The following CADPS2 variants were observed in gnomAD, a reference collection of about 807,000 sequenced individuals.
CADPS2 encodes calcium dependent secretion activator 2, also known as calcium-dependent secretion activator 2.
Under a neutral mutation model 172.5 loss-of-function variants are expected in CADPS2, and 93 were observed. That is an observed-to-expected ratio of 0.54 (90% CI 0.46 to 0.64). The LOEUF is 0.64. CADPS2 is among the 30% of genes least tolerant of loss of function. The probability of loss-of-function intolerance (pLI) is 0.00; values close to 1 mark genes in which losing one functional copy is unlikely to be tolerated. For synonymous variants in CADPS2, 546 were observed against 555.2 expected (o/e 0.98, Z 0.23); for missense variants, 1,420 against 1,565.9 (o/e 0.91, Z 1.57).
At position 122,336,709 on chromosome 7, in the gene CADPS2, C is replaced by T. The variant is rs2035910602; in HGVS notation, c.3612+8865G>A. Among the ~76,000 whole-genome samples the T allele has an allele frequency of 2.6e-5, 4 of 152,162 alleles. No individual in the cohort carries two copies. In the South Asian group the frequency reaches 8.3e-4, roughly 31 times the overall value. On this transcript the variant is annotated intron_variant, in intron 28 of 29. Coordinates refer to ENST00000449022, the MANE Select transcript of CADPS2 (RefSeq NM_017954.11). ...TGGATGAATGCAAATATACATTATG[C>T]AATTGGTGTTTAGAAAAATTTCTCC...
chr7:122,586,948 AGAT>A (rs2069803184), intron 6 of CADPS2, among the ~76,000 whole-genome samples: 1 of 151,996 alleles, frequency 6.6e-6, no homozygotes, highest in Admixed American at 6.6e-5. Flanking sequence ...TCTATTAAAA[AGAT>A]TATTAAAATT....
chr7:122,581,138 A>G (rs1487152916), intron 7 of CADPS2, 41 bp downstream of exon 7: 1 of 1,462,106 alleles, frequency 6.8e-7, no homozygotes, highest in Non-Finnish European at 9.6e-7. Context: ...AAAGAAGTTA[A>G]AACTGTTCTA....
intron 14 of CADPS2, among the ~76,000 whole-genome samples, chr7:122,459,057 T>C (rs2054139385): frequency 1.3e-5 from 2 of 151,960 alleles, no homozygotes; most frequent in African/African-American, 2.4e-5. Flanking sequence ...CCTATAAATA[T>C]GCCAACCAGA....
rs1193825984 is a variant in CADPS2 at position 122,886,293 on chromosome 7, C to T, written c.45G>A (p.Leu15=). The change falls in exon 1 of 30, where the codon CTG becomes CTA. Residue 15 remains leucine, a synonymous_variant. Transcript: ENST00000449022. ...SSSEEESDEG[L]EEESRDVLVA... ...CCAGCACATCGCGGCTTTCCTCTTC[C>T]AGCCCCTCGTCCGACTCCTCTTCGC... 1 of 1,504,908 alleles carries T rather than the reference C, an allele frequency of 6.6e-7. No homozygotes were observed. The highest frequency in any genetic ancestry group is 2.8e-5 in the East Asian group (1 of 36,128). The allele number at this position is 1,504,908 out of a possible 1,614,324, so 93.2% of individuals were successfully genotyped here.
chr7:122,508,987 G>GCTATAAAGTCATTA, intron 9 of CADPS2, among the ~76,000 whole-genome samples: 1 of 152,096 alleles, frequency 6.6e-6, no homozygotes, highest in Non-Finnish European at 1.5e-5. Flanking sequence ...AAAGCATAAA[G>GCTATAAAGTCATTA]CTATAAAGTC....
chr7:122,571,674 C>T (rs2067276595), intron 7 of CADPS2, among the ~76,000 whole-genome samples: 2 of 152,112 alleles, frequency 1.3e-5, no homozygotes, highest in South Asian at 4.1e-4. Flanking sequence ...GTGAATTAGC[C>T]CTGGACCTTT....
chr7:122,602,961 T>C (rs779102521), intron 6 of CADPS2, among the ~76,000 whole-genome samples: 2 of 152,092 alleles, frequency 1.3e-5, no homozygotes, highest in African/African-American at 4.8e-5. Context: ...GGTGCCAACA[T>C]GGAAGACATG....
rs1164802031 is a variant in CADPS2, at chr7:122,319,965, A to G, written c.*200T>C. On this transcript the variant is annotated 3_prime_UTR_variant, in exon 30 of 30. Transcript: ENST00000449022. ...CTTCTCCAAAAAAACAAACAAACAA[A>G]CAAACAAAAAAAGGAAACAAAAAAA... 2 of 468,212 alleles carry G rather than the reference A, an allele frequency of 4.3e-6. No homozygotes were observed. The highest frequency in any genetic ancestry group is 7.0e-6 in the Non-Finnish European group (2 of 284,386). The allele number at this position is 468,212 out of a possible 1,614,324, so 29.0% of individuals were successfully genotyped here. A position where few individuals can be genotyped will look rare whatever the true frequency, so the allele number is the denominator to read the frequency against.
intron 14 of CADPS2, among the ~76,000 whole-genome samples, chr7:122,463,475 C>T (rs2054727007): frequency 1.3e-5 from 2 of 152,016 alleles, no homozygotes; most frequent in Admixed American, 6.6e-5. Context: ...TATAAATAAC[C>T]TTGTGTCAAT....
chr7:122,577,394 A>G (rs910787226), intron 7 of CADPS2, among the ~76,000 whole-genome samples: 4 of 152,070 alleles, frequency 2.6e-5, no homozygotes, highest in East Asian at 3.9e-4. Context: ...GTCTACCCCT[A>G]TAATTTTCTA....
chr7:122,656,905 T>C (rs181438098), intron 3 of CADPS2, among the ~76,000 whole-genome samples: 1 of 152,222 alleles, frequency 6.6e-6, no homozygotes, highest in African/African-American at 2.4e-5. Context: ...CTGAATGGTA[T>C]TGCCTAGGTT....
At chr7:122,347,869 A>G (rs2037930709) in intron 27 of CADPS2, among the ~76,000 whole-genome samples, 1 of 152,226 alleles carries the variant, frequency 6.6e-6, no homozygotes, top group Admixed American at 6.5e-5. Context: ...TGTGCCTCTC[A>G]AACTTTGTCA....
chr7:122,527,716 C>T (rs993077561), intron 8 of CADPS2, among the ~76,000 whole-genome samples: 1 of 151,378 alleles, frequency 6.6e-6, no homozygotes, highest in Non-Finnish European at 1.5e-5. Context: ...TTTTCCCCAG[C>T]CCAGTCACAG....
chr7:122,624,997 A>G (rs2075943236), intron 4 of CADPS2, among the ~76,000 whole-genome samples: 1 of 152,174 alleles, frequency 6.6e-6, no homozygotes, highest in Admixed American at 6.5e-5. Flanking sequence ...GAAGGTCTCA[A>G]TGAGCAGATG....
intron 20 of CADPS2, among the ~76,000 whole-genome samples, chr7:122,401,608 A>G (rs2045965102): frequency 6.6e-6 from 1 of 152,174 alleles, no homozygotes; most frequent in Non-Finnish European, 1.5e-5. Flanking sequence ...CATCGTGCCA[A>G]TTACTTCATT....
At chr7:122,650,116 G>T (rs918330732) in intron 3 of CADPS2, among the ~76,000 whole-genome samples, 1 of 151,130 alleles carries the variant, frequency 6.6e-6, no homozygotes, top group African/African-American at 2.4e-5. Flanking sequence ...CACCATGTTG[G>T]CCAGGCTGGT....
chr7:122,407,517 T>C, intron 20 of CADPS2, 23 bp downstream of exon 20: 1 of 1,602,124 alleles, frequency 6.2e-7, no homozygotes, highest in Non-Finnish European at 8.5e-7. Context: ...ATTTCACATA[T>C]GAAAGAAAAC....
intron 5 of CADPS2, among the ~76,000 whole-genome samples, chr7:122,617,858 A>C (rs1170239806): frequency 1.3e-5 from 2 of 152,182 alleles, no homozygotes; most frequent in Non-Finnish European, 2.9e-5. Flanking sequence ...CCTGGCTAAC[A>C]CAGTGACACC....
chr7:122,423,925 G>A (rs887366073), intron 17 of CADPS2, among the ~76,000 whole-genome samples: 4 of 152,118 alleles, frequency 2.6e-5, no homozygotes, highest in African/African-American at 9.7e-5. Flanking sequence ...GGTGACCTAC[G>A]TAAACTTTGA....
Sources: gnomAD v4.1 joint callset for allele counts (sites outside exome capture counted in the v4.1 genomes callset) on GRCh38, gnomAD v4.1.1 for gene constraint, MANE v1.5 for transcripts, NCBI Gene and HGNC (gene_info 2026-07-23, HGNC 2026-07-21) for gene names.